NPL: variants seen among roughly 807,000 people sequenced by gnomAD.
The protein encoded by NPL is N-acetylneuraminate pyruvate lyase.
Under a neutral mutation model 41.1 loss-of-function variants are expected in NPL, and 32 were observed. That is an observed-to-expected ratio of 0.78 (90% CI 0.59 to 1.05). The LOEUF (loss-of-function observed/expected upper bound fraction) is 1.05. Ranked by LOEUF, NPL falls within the 50% of genes least tolerant of loss-of-function variation. NPL has a pLI of 0.00. For missense variants in NPL, 321 were observed against 378.4 expected (o/e 0.85, Z 1.26); for synonymous variants, 128 against 134.9 (o/e 0.95, Z 0.35).
chr1:182,798,405 T>G (rs1000032560), intron 3 of NPL, among the ~76,000 whole-genome samples: 3 of 152,094 alleles, frequency 2.0e-5, no homozygotes, highest in African/African-American at 7.2e-5. Context: ...TTTTTGTGTT[T>G]GTAGTAGAGA....
intron 6 of NPL, 64 bp from the exon 7 acceptor site, chr1:182,814,719 T>A: frequency 7.7e-7 from 1 of 1,300,892 alleles, no homozygotes. Context: ...GATCTTAGTA[T>A]CTAAGCTATA....
At chr1:182,793,473 C>G (rs1666572667) in intron 2 of NPL, among the ~76,000 whole-genome samples, 1 of 152,176 alleles carries the variant, frequency 6.6e-6, no homozygotes, top group South Asian at 2.1e-4. Context: ...GTTCAGTCAC[C>G]CACATATTCT....
chr1:182,803,394 G>A (rs1666909943), intron 3 of NPL, among the ~76,000 whole-genome samples: 2 of 152,212 alleles, frequency 1.3e-5, no homozygotes, highest in African/African-American at 4.8e-5. Flanking sequence ...AGAGCGTTGG[G>A]CAAAAGATAG....
Position 182,804,082 on chromosome 1 carries a change from G to T in NPL, c.142+311G>T, listed in dbSNP as rs745766362. ...GGCCATTCAGCCAAGAAGTGGTAGA[G>T]TAACAACCAAACCCTCTTAAGTAAC... is the stretch of plus-strand genomic sequence containing the variant. On this transcript the variant is annotated intron_variant, in intron 4 of 12. Transcript: ENST00000367553. 6.6e-4 allele frequency among the ~76,000 whole-genome samples: 101 copies of T among 152,146 alleles called. 1 individual carries two copies. The highest frequency in any genetic ancestry group is 1.0e-3 in the Non-Finnish European group (70 of 68,022).
chr1:182,794,440 G>A lies in NPL; in HGVS notation c.68+1G>A, dbSNP rs755026414. On this transcript the variant is annotated splice_donor_variant, in intron 3 of 12. Transcript: ENST00000367553. LOFTEE classifies it high-confidence loss of function. ...CCATCACGCCAATGACTGAGAATGGGTAACTATCATTTGGGGCCTTGAGGG... is the reference window on the plus strand; with the variant it reads ...CCATCACGCCAATGACTGAGAATGGATAACTATCATTTGGGGCCTTGAGGG... 1.2e-5 allele frequency: 19 copies of A among 1,613,974 alleles called. No individual in the cohort carries two copies. Among genetic ancestry groups the A allele is most frequent in the Non-Finnish European group, 1.5e-5 (18 of 1,179,950 alleles).
At position 182,830,120 on chromosome 1, in the gene NPL, T is replaced by C. The variant is rs1357362603; in HGVS notation, c.*1212T>C. The C allele has an allele frequency of 6.6e-6, 1 of 152,554 alleles. No homozygotes were observed. Among genetic ancestry groups the C allele is most frequent in the Non-Finnish European group, 1.5e-5 (1 of 68,280 alleles). The allele number at this position is 152,554 out of a possible 1,614,324, so 9.5% of individuals were successfully genotyped here. ...CTCTTTGAATTAAAAATAAAACTTT[T>C]TCAAAATGGAAATTTGAAATTATAA... is the stretch of plus-strand genomic sequence containing the variant. On this transcript the variant is annotated 3_prime_UTR_variant, in exon 13 of 13. Transcript: ENST00000367553.
At position 182,809,750 on chromosome 1, in the gene NPL, C is replaced by T. The variant is rs771062729; in HGVS notation, c.231-2406C>T. ...TAGTCAAGATTTGGAGTAGCCACTC[C>T]AGAGAAATGAGTCATGACAGCCAGA... On this transcript the variant is annotated intron_variant, in intron 5 of 12. Coordinates refer to ENST00000367553, the MANE Select transcript of NPL (RefSeq NM_030769.3). 3.9e-5 allele frequency: 6 copies of T among 152,044 alleles called. 1 individual carries two copies. Among genetic ancestry groups the T allele is most frequent in the Non-Finnish European group, 8.8e-5 (6 of 68,008 alleles). The allele number at this position is 152,044 out of a possible 1,614,324, so 9.4% of individuals were successfully genotyped here. A position where few individuals can be genotyped will look rare whatever the true frequency, so the allele number is the denominator to read the frequency against.
At chr1:182,820,431 A>T (rs1667457572) in intron 10 of NPL, among the ~76,000 whole-genome samples, 1 of 152,260 alleles carries the variant, frequency 6.6e-6, no homozygotes, top group Non-Finnish European at 1.5e-5. Flanking sequence ...GGCCTATGAC[A>T]GCCATTGTAA....
chr1:182,823,920 T>G (rs978139153), intron 11 of NPL, among the ~76,000 whole-genome samples: 10 of 152,238 alleles, frequency 6.6e-5, no homozygotes, highest in Admixed American at 1.3e-4. Flanking sequence ...TTTTACCACA[T>G]TCTCTGTTTC....
chr1:182,825,412 A>G (rs1667604901), intron 11 of NPL, among the ~76,000 whole-genome samples: 1 of 152,202 alleles, frequency 6.6e-6, no homozygotes, highest in African/African-American at 2.4e-5. Context: ...CTCCTTAGGC[A>G]TCCTGGAAGG....
At chr1:182,807,838 C>T (rs1168998446) in intron 5 of NPL, among the ~76,000 whole-genome samples, 1 of 148,274 alleles carries the variant, frequency 6.7e-6, no homozygotes, top group Non-Finnish European at 1.5e-5. Flanking sequence ...TTGCAATGAG[C>T]CAAGATCGCG....
In NPL at chr1:182,801,440, T is replaced by C. The variant is rs188523362; in HGVS notation, c.69-2258T>C. On this transcript the variant is annotated intron_variant, in intron 3 of 12. Coordinates refer to ENST00000367553, the MANE Select transcript of NPL (RefSeq NM_030769.3). Reference sequence around the variant, plus strand: ...GAGGCCATCAAAACTGTGAAGTTCATGGAGAAAAAAGGAGCTTCTAGTTTC... The same window carrying C: ...GAGGCCATCAAAACTGTGAAGTTCACGGAGAAAAAAGGAGCTTCTAGTTTC... Among the ~76,000 whole-genome samples the C allele has an allele frequency of 1.4e-3, 220 of 152,174 alleles. 1 individual carries two copies. The highest frequency in any genetic ancestry group is 2.6e-3 in the Non-Finnish European group (180 of 67,996).
chr1:182,792,941 CTAAG>C (rs1273991349), intron 2 of NPL, among the ~76,000 whole-genome samples: 3 of 152,330 alleles, frequency 2.0e-5, no homozygotes, highest in Admixed American at 6.5e-5. Context: ...TAGCTTATAA[CTAAG>C]TACTACATTA....
At chr1:182,789,886 G>T (rs749850240) in intron 1 of NPL, 81 bp downstream of exon 1, 4 of 152,550 alleles carry the variant, frequency 2.6e-5, no homozygotes, top group Non-Finnish European at 4.4e-5. Flanking sequence ...GCGGAGGGGC[G>T]CTGGGGCCTG....
Position 182,806,054 on chromosome 1 carries a change from T to C in NPL, c.143-91T>C, listed in dbSNP as rs41268518. 1.2e-3 allele frequency: 1,702 copies of C among 1,454,386 alleles called. 4 individuals are homozygous for C. Among genetic ancestry groups the C allele is most frequent in the Non-Finnish European group, 1.5e-3 (1,571 of 1,043,790 alleles). 90.1% of individuals were successfully genotyped at this position (1,454,386 alleles called of 1,614,324 possible). On this transcript the variant is annotated intron_variant, in intron 4 of 12. Coordinates refer to ENST00000367553, the MANE Select transcript of NPL (RefSeq NM_030769.3). ...ATTTTCCCCTCCTGACCATCCTCAG[T>C]GCAGTGGTTTCTGACCCTGCACTTT...
intron 2 of NPL, 103 bp from the exon 3 acceptor site, chr1:182,794,253 G>A (rs1300914899): frequency 3.3e-5 from 33 of 994,680 alleles, no homozygotes; most frequent in Non-Finnish European, 5.0e-5. Context: ...TTGTGTACTT[G>A]TAAGCACATT....
intron 11 of NPL, among the ~76,000 whole-genome samples, chr1:182,822,995 A>C (rs1019039961): frequency 7.9e-5 from 12 of 152,232 alleles, no homozygotes; most frequent in African/African-American, 2.9e-4. Flanking sequence ...CAGCCTCCTG[A>C]GTAGCTGGGA....
chr1:182,812,213 G>A lies in NPL; in HGVS notation c.288G>A (p.Leu96=). 1 of 1,613,208 alleles carries A rather than the reference G, an allele frequency of 6.2e-7. No individual in the cohort carries two copies. Among genetic ancestry groups the A allele is most frequent in the Non-Finnish European group, 8.5e-7 (1 of 1,179,198 alleles). The change falls in exon 6 of 13, where the codon CTG becomes CTA. Residue 96 remains leucine, a splice_region_variant and synonymous_variant. Coordinates refer to ENST00000367553, the MANE Select transcript of NPL (RefSeq NM_030769.3). ...GALSLKESQE[L]AQHAAEIGAD... ...TGAGCTTGAAGGAGTCACAGGAACTGGTATGTATGCAGTTCCATCTGGGAG... is the reference window on the plus strand; with the variant it reads ...TGAGCTTGAAGGAGTCACAGGAACTAGTATGTATGCAGTTCCATCTGGGAG...
chr1:182,814,558 A>G (rs1458512054), intron 6 of NPL, among the ~76,000 whole-genome samples: 1 of 152,200 alleles, frequency 6.6e-6, no homozygotes, highest in African/African-American at 2.4e-5. Context: ...CTGACAAAAT[A>G]TGAAGTATAA....
Sources: allele counts gnomAD v4.1 joint callset (sites outside exome capture counted in the v4.1 genomes callset), GRCh38; gene constraint gnomAD v4.1.1; transcripts MANE v1.5; gene names NCBI Gene and HGNC (gene_info 2026-07-23, HGNC 2026-07-21).